UBR1: variants seen among roughly 807,000 people sequenced by gnomAD.
The protein encoded by UBR1 is ubiquitin protein ligase E3 component n-recognin 1.
In UBR1, 102 loss-of-function variants were observed where a neutral mutation model predicts 242.1. That is an observed-to-expected ratio of 0.42 (90% CI 0.36 to 0.50). The LOEUF (loss-of-function observed/expected upper bound fraction) is 0.50. Among genes scored for constraint, UBR1 ranks in the 20% least tolerant of loss-of-function variants. UBR1 has a pLI of 0.01. For missense variants in UBR1, 1,772 were observed against 2,101.8 expected (o/e 0.84, Z 3.07); for synonymous variants, 675 against 684.8 (o/e 0.99, Z 0.22).
intron 39 of UBR1, among the ~76,000 whole-genome samples, chr15:42,974,626 A>C (rs2032259965): frequency 6.6e-6 from 1 of 152,076 alleles, no homozygotes. Context: ...TTTCTGGTTG[A>C]TTGACAGGGT....
intron 15 of UBR1, among the ~76,000 whole-genome samples, chr15:43,039,151 CAT>C (rs1488888044): frequency 1.3e-5 from 2 of 151,912 alleles, no homozygotes; most frequent in African/African-American, 2.4e-5. Flanking sequence ...TATAAAATCA[CAT>C]GACATCAATT....
chr15:43,015,048 A>G, intron 29 of UBR1, among the ~76,000 whole-genome samples: 1 of 145,448 alleles, frequency 6.9e-6, no homozygotes, highest in African/African-American at 2.6e-5. Context: ...CCGGCCAGCC[A>G]CCCCGTCCGG....
chr15:43,004,149 C>A (rs1019551066), intron 30 of UBR1, among the ~76,000 whole-genome samples: 1 of 152,130 alleles, frequency 6.6e-6, no homozygotes, highest in Non-Finnish European at 1.5e-5. Context: ...ATAACTCTAT[C>A]TTTGATTTAC....
intron 2 of UBR1, among the ~76,000 whole-genome samples, chr15:43,084,540 T>G (rs1237536537): frequency 1.3e-5 from 2 of 152,166 alleles, no homozygotes; most frequent in African/African-American, 4.8e-5. Flanking sequence ...CACCACAACC[T>G]CTGTCTCCCG....
intron 42 of UBR1, 86 bp from the exon 43 acceptor site, chr15:42,960,787 G>T (rs1031837134): frequency 7.5e-6 from 10 of 1,333,910 alleles, no homozygotes; most frequent in Non-Finnish European, 1.1e-5. Flanking sequence ...TTTTTTTTTT[G>T]AGATGGATTC....
chr15:43,049,637 G>A (rs1158478046), intron 12 of UBR1, among the ~76,000 whole-genome samples: 2 of 151,910 alleles, frequency 1.3e-5, no homozygotes, highest in African/African-American at 2.4e-5. Context: ...ATAGGATTGT[G>A]GTTTAATTTT....
Position 43,059,149 on chromosome 15 carries a change from T to C in UBR1, c.1029A>G (p.Glu343=), listed in dbSNP as rs2033652611. The C allele has an allele frequency of 1.9e-6, 3 of 1,614,078 alleles. No homozygotes were observed. Residue 343 remains glutamate (E), a synonymous_variant, in exon 9 of 47, where the codon GAA becomes GAG. Coordinates refer to ENST00000290650, the MANE Select transcript of UBR1 (RefSeq NM_174916.3). ...TGAGACAGGGATTCTCCGAGTCAGGTTCTTCTCTAAGGCATGCTTGGCAAA... is the reference window on the plus strand; with the variant it reads ...TGAGACAGGGATTCTCCGAGTCAGGCTCTTCTCTAAGGCATGCTTGGCAAA... ...QIFCQACLRE[E]PDSENPCLIS...
At chr15:43,015,402 GGCGGT>G (rs1339035780) in intron 29 of UBR1, among the ~76,000 whole-genome samples, 3 of 144,436 alleles carry the variant, frequency 2.1e-5, no homozygotes, top group African/African-American at 2.5e-5. Context: ...ATGGATTAAG[GGCGGT>G]GCAAGATGTG....
At chr15:43,088,006 C>G (rs1312248573) in intron 1 of UBR1, among the ~76,000 whole-genome samples, 1 of 152,192 alleles carries the variant, frequency 6.6e-6, no homozygotes, top group Non-Finnish European at 1.5e-5. Flanking sequence ...ACAAAAATCT[C>G]TGAAAGGATT....
At chr15:43,102,891 G>A (rs2034255489) in intron 1 of UBR1, among the ~76,000 whole-genome samples, 1 of 152,188 alleles carries the variant, frequency 6.6e-6, no homozygotes, top group African/African-American at 2.4e-5. Context: ...TATCCGGGCT[G>A]GGCGTAGTGG....
At chr15:42,977,364 C>T (rs1358831091) in intron 38 of UBR1, among the ~76,000 whole-genome samples, 5 of 152,286 alleles carry the variant, frequency 3.3e-5, no homozygotes, top group Admixed American at 3.3e-4. Context: ...TGCTCCCAAT[C>T]TCAATACTGC....
chr15:43,083,244 T>C (rs113670857), intron 2 of UBR1, among the ~76,000 whole-genome samples: 6,001 of 152,326 alleles, frequency 0.039, 217 homozygotes, highest in Non-Finnish European at 0.053. Flanking sequence ...TTAATATTCA[T>C]TGAACAAATG....
chr15:43,088,181 C>T (rs2034061646), intron 1 of UBR1, among the ~76,000 whole-genome samples: 1 of 152,050 alleles, frequency 6.6e-6, no homozygotes, highest in Non-Finnish European at 1.5e-5. Context: ...TTCATAACAG[C>T]AAAAAATTAA....
At chr15:43,094,446 A>G (rs2034136983) in intron 1 of UBR1, among the ~76,000 whole-genome samples, 3 of 151,734 alleles carry the variant, frequency 2.0e-5, no homozygotes, top group Admixed American at 2.0e-4. Context: ...AAAGCAAACA[A>G]ACAAACAAAC....
At chr15:42,987,166 C>A (rs555113343) in intron 35 of UBR1, among the ~76,000 whole-genome samples, 1 of 152,352 alleles carries the variant, frequency 6.6e-6, no homozygotes, top group East Asian at 1.9e-4. Flanking sequence ...CATCAGTCCC[C>A]CTGGGGCAGC....
chr15:43,006,343 T>A (rs945600917), intron 30 of UBR1, among the ~76,000 whole-genome samples: 2 of 152,218 alleles, frequency 1.3e-5, no homozygotes, highest in African/African-American at 4.8e-5. Flanking sequence ...TAAATGCTAG[T>A]CTTTATTATC....
At chr15:43,040,040 T>A (rs1303876222) in intron 15 of UBR1, among the ~76,000 whole-genome samples, 4 of 152,164 alleles carry the variant, frequency 2.6e-5, no homozygotes, top group Non-Finnish European at 4.4e-5. Context: ...AATTTATAGA[T>A]TTAATGCCAT....
intron 29 of UBR1, among the ~76,000 whole-genome samples, chr15:43,014,635 C>A (rs566566024): frequency 1.0e-3 from 152 of 151,410 alleles, no homozygotes; most frequent in Middle Eastern, 6.9e-3. Flanking sequence ...AGGAGACCCT[C>A]CGCCTGGCAG....
At chr15:43,047,345 C>T in intron 13 of UBR1, 56 bp from the exon 14 acceptor site, 1 of 1,612,622 alleles carries the variant, frequency 6.2e-7, no homozygotes, top group African/African-American at 1.3e-5. Context: ...CTTTGCTCTG[C>T]TCTTGGCAAA....
Sources: allele counts gnomAD v4.1 joint callset (sites outside exome capture counted in the v4.1 genomes callset), GRCh38; gene constraint gnomAD v4.1.1; transcripts MANE v1.5; gene names NCBI Gene and HGNC (gene_info 2026-07-23, HGNC 2026-07-21).